The following ADGRG7 variants were observed in gnomAD, a reference collection of about 807,000 sequenced individuals.
ADGRG7 encodes the protein G-protein coupled receptor 128.
In ADGRG7, 82 loss-of-function variants were observed where a neutral mutation model predicts 88.6. That is an observed-to-expected ratio of 0.93 (90% CI 0.77 to 1.11). The LOEUF (loss-of-function observed/expected upper bound fraction) is 1.11, where lower values mean the gene tolerates loss of function less well. Among genes scored for constraint, ADGRG7 ranks in the 50% most tolerant of loss-of-function variants. The probability of loss-of-function intolerance (pLI) is 0.00; values close to 1 mark genes in which losing one functional copy is unlikely to be tolerated. For missense variants in ADGRG7, 945 were observed against 953.4 expected (o/e 0.99, Z 0.12); for synonymous variants, 381 against 345.2 (o/e 1.10, Z -1.15).
In ADGRG7 at chr3:100,690,910, T is replaced by G. The variant is rs370456997; in HGVS notation, c.2137-3834T>G. On this transcript the variant is annotated intron_variant, in intron 15 of 15. Coordinates refer to ENST00000273352, the MANE Select transcript of ADGRG7 (RefSeq NM_032787.3). ...TCTTCAAAGCTGTCAGACAGGGACA[T>G]TTAAGTCTGCAGAGGTTACTGCTGC... Among the ~76,000 whole-genome samples, 11 of 152,340 alleles carry G rather than the reference T, an allele frequency of 7.2e-5. No individual in the cohort carries two copies. The East Asian group carries it at 7.7e-4, about 11-fold the overall frequency.
Position 100,669,079 on chromosome 3 carries a change from A to C in ADGRG7, c.2110A>C (p.Ile704Leu). The change falls in exon 15 of 16, where the codon ATA becomes CTA. Residue 704 changes from isoleucine (I) to leucine (L), a missense_variant. Physicochemically the swap from Ile to Leu is conservative, Grantham distance 5 (BLOSUM62 2). Transcript: ENST00000273352. Reference protein sequence around the residue: ...DDSIRIVFSYIFCLFNTTQGL... With the variant: ...DDSIRIVFSYLFCLFNTTQGL... ...TAGCATCAGGATCGTCTTCAGCTAC[A>C]TATTCTGCCTTTTCAACACTACACA... is the stretch of plus-strand genomic sequence containing the variant. 1 of 1,593,804 alleles carries C rather than the reference A, an allele frequency of 6.3e-7. No homozygotes were observed. Among genetic ancestry groups the C allele is most frequent in the Non-Finnish European group, 8.5e-7 (1 of 1,171,632 alleles).
chr3:100,611,291 C>T (rs866712136), intron 1 of ADGRG7, among the ~76,000 whole-genome samples: 3,908 of 145,414 alleles, frequency 0.027, 127 homozygotes, highest in African/African-American at 0.06. Context: ...TTCCTTCCTT[C>T]CTTCCTTCCT....
intron 1 of ADGRG7, among the ~76,000 whole-genome samples, chr3:100,627,184 G>A (rs567224749): frequency 2.6e-4 from 39 of 152,232 alleles, no homozygotes; most frequent in East Asian, 9.7e-4. Context: ...ATATTACACT[G>A]TTAAGTATGA....
rs549380549 is a variant in ADGRG7, at chr3:100,673,424, A to AT, written c.2136+4326dup. Reference sequence around the variant, plus strand: ...GATCAGTGGTGATATCCCCTTTATCATTTTTTTACCATGTCTGTTTGATTC... The same window carrying AT: ...GATCAGTGGTGATATCCCCTTTATCATTTTTTTTACCATGTCTGTTTGATTC... On this transcript the variant is annotated intron_variant, in intron 15 of 15. Coordinates refer to ENST00000273352, the MANE Select transcript of ADGRG7 (RefSeq NM_032787.3). 2.0e-3 allele frequency among the ~76,000 whole-genome samples: 289 copies of AT among 144,608 alleles called. 2 individuals carry two copies. The highest frequency in any genetic ancestry group is 2.2e-3 in the Non-Finnish European group (148 of 65,876). 94.9% of individuals were successfully genotyped at this position (144,608 alleles called of 152,430 possible). A position where few individuals can be genotyped will look rare whatever the true frequency, so the allele number is the denominator to read the frequency against.
chr3:100,646,891 G>A (rs561262081), intron 10 of ADGRG7, among the ~76,000 whole-genome samples, 167 bp downstream of exon 10: 1 of 152,336 alleles, frequency 6.6e-6, no homozygotes, highest in South Asian at 2.1e-4. Flanking sequence ...CGGGCGCGGT[G>A]GCTCACGCCT....
chr3:100,630,910 G>A (rs1002426472), intron 3 of ADGRG7, 101 bp downstream of exon 3: 1 of 526,970 alleles, frequency 1.9e-6, no homozygotes, highest in Non-Finnish European at 3.1e-6. Flanking sequence ...AGGGCATCAG[G>A]AAAGGTTTTG....
chr3:100,637,190 C>T, intron 5 of ADGRG7, 112 bp from the exon 6 acceptor site: 1 of 722,400 alleles, frequency 1.4e-6, no homozygotes. Flanking sequence ...CTTCCCTCTA[C>T]ATTATCATAT....
At chr3:100,617,636 C>T (rs1010967962) in intron 1 of ADGRG7, among the ~76,000 whole-genome samples, 1 of 152,110 alleles carries the variant, frequency 6.6e-6, no homozygotes, top group African/African-American at 2.4e-5. Flanking sequence ...TGGGTTGGTT[C>T]CAAGTCTTTG....
chr3:100,691,308 T>C (rs1347217798), intron 15 of ADGRG7, among the ~76,000 whole-genome samples: 1 of 152,218 alleles, frequency 6.6e-6, no homozygotes, highest in East Asian at 1.9e-4. Flanking sequence ...CCCCTTGTGC[T>C]TCCCGGGTGA....
intron 15 of ADGRG7, among the ~76,000 whole-genome samples, chr3:100,692,811 A>G (rs982374357): frequency 3.9e-5 from 6 of 152,176 alleles, no homozygotes; most frequent in Admixed American, 1.3e-4. Flanking sequence ...GTATGTTAAA[A>G]TGCTGATTCC....
chr3:100,691,369 T>A (rs1444291343), intron 15 of ADGRG7, among the ~76,000 whole-genome samples: 1 of 152,156 alleles, frequency 6.6e-6, no homozygotes, highest in Non-Finnish European at 1.5e-5. Context: ...GTACCCACTG[T>A]CTTGCACCCA....
In ADGRG7 at chr3:100,667,832, A is replaced by AG. The variant is rs1420149437; in HGVS notation, c.1980-1116dup. ...TTTCAGGTGCTACCAGGGTATGAAA[A>AG]GAAAAAAAAAAAAGAGCTCCTGCAG... On this transcript the variant is annotated intron_variant, in intron 14 of 15. Transcript: ENST00000273352. Among the ~76,000 whole-genome samples the AG allele has an allele frequency of 1.9e-4, 29 of 151,766 alleles. 1 individual carries two copies. Among genetic ancestry groups the AG allele is most frequent in the Non-Finnish European group, 8.8e-5 (6 of 68,000 alleles).
intron 15 of ADGRG7, among the ~76,000 whole-genome samples, chr3:100,672,036 T>C (rs1676329): frequency 0.88 from 134,382 of 152,136 alleles, 61,138 homozygotes; most frequent in Non-Finnish European, 1. Flanking sequence ...CTTGGCTATG[T>C]GGGCTCTTTT....
rs1520652 is a variant in ADGRG7, at chr3:100,635,839, G to A, written c.597+13G>A. 1,070,738 of 1,596,396 alleles carry A rather than the reference G, an allele frequency of 0.67. 364,865 individuals carry two copies. Among genetic ancestry groups the A allele is most frequent in the East Asian group, 0.99 (44,321 of 44,704 alleles). On this transcript the variant is annotated intron_variant, in intron 5 of 15. Coordinates refer to ENST00000273352, the MANE Select transcript of ADGRG7 (RefSeq NM_032787.3). ...TGCTTCACCTGAGGTAAAACTCACAGAGCTTTAAAAAAAATTTTTTTTTTA... is the reference window on the plus strand; with the variant it reads ...TGCTTCACCTGAGGTAAAACTCACAAAGCTTTAAAAAAAATTTTTTTTTTA...
intron 15 of ADGRG7, among the ~76,000 whole-genome samples, chr3:100,693,726 A>T (rs553778165): frequency 6.6e-6 from 1 of 152,342 alleles, no homozygotes; most frequent in South Asian, 2.1e-4. Flanking sequence ...GCTCCCACAT[A>T]TTCTTTGTCC....
intron 15 of ADGRG7, among the ~76,000 whole-genome samples, chr3:100,678,273 C>T (rs1298599698): frequency 2.0e-5 from 3 of 151,866 alleles, no homozygotes; most frequent in Admixed American, 1.3e-4. Context: ...CTGCTTAATT[C>T]TTTTTAATTA....
At chr3:100,627,297 C>G (rs1337464888) in intron 1 of ADGRG7, among the ~76,000 whole-genome samples, 1 of 152,118 alleles carries the variant, frequency 6.6e-6, no homozygotes, top group African/African-American at 2.4e-5. Flanking sequence ...CTTTTTGTCT[C>G]CTGCATTTAT....
intron 15 of ADGRG7, among the ~76,000 whole-genome samples, chr3:100,689,273 C>A (rs1243667215): frequency 6.6e-6 from 1 of 152,138 alleles, no homozygotes; most frequent in African/African-American, 2.4e-5. Context: ...ATGTGTGTCT[C>A]TGCACGTGAG....
rs747555940 is a variant in ADGRG7, at chr3:100,630,800, A to G, written c.325A>G (p.Thr109Ala). The G allele has an allele frequency of 6.8e-7, 1 of 1,469,294 alleles. No individual in the cohort carries two copies. Among genetic ancestry groups the G allele is most frequent in the Admixed American group, 2.6e-5 (1 of 39,186 alleles). The allele number at this position is 1,469,294 out of a possible 1,614,324, so 91.0% of individuals were successfully genotyped here. A position where few individuals can be genotyped will look rare whatever the true frequency, so the allele number is the denominator to read the frequency against. The change falls in exon 3 of 16, where the codon ACT becomes GCT. Residue 109 changes from threonine (T) to alanine (A), a missense_variant. Thr to Ala is a moderately conservative substitution (Grantham distance 58). Transcript: ENST00000273352. ...GPSLQTCGKD[T>A]PNAGNPMAVR... ...ATCCTTGCAAACATGTGGCAAGGAT[A>G]CTCCAAATGGTATGTGTTTTCCCAA...
Sources: allele counts gnomAD v4.1 joint callset (sites outside exome capture counted in the v4.1 genomes callset), GRCh38; gene constraint gnomAD v4.1.1; transcripts MANE v1.5; gene names NCBI Gene and HGNC (gene_info 2026-07-23, HGNC 2026-07-21).